Variants in DKK3 observed in about 807,000 individuals in gnomAD.
DKK3 encodes dickkopf Wnt signaling pathway inhibitor 3.
Under a neutral mutation model 33.2 loss-of-function variants are expected in DKK3, and 22 were observed. That is an observed-to-expected ratio of 0.66 (90% CI 0.47 to 0.95). The LOEUF (loss-of-function observed/expected upper bound fraction) is 0.95, where lower values mean the gene tolerates loss of function less well. DKK3 is among the 40% of genes least tolerant of loss of function. The pLI, the probability that DKK3 is intolerant of heterozygous loss-of-function variation, is 0.00. For synonymous variants in DKK3, 194 were observed against 188.8 expected, an observed-to-expected ratio of 1.03 and a Z score of -0.23; for missense variants, 398 against 458.4, an observed-to-expected ratio of 0.87 and a Z score of 1.20.
intron 3 of DKK3, among the ~76,000 whole-genome samples, chr11:11,987,419 C>A (rs532153848): frequency 1.6e-4 from 25 of 152,334 alleles, no homozygotes; most frequent in African/African-American, 5.5e-4. Context: ...AACTACATCC[C>A]TCCCATCTCT....
At chr11:11,977,628 G>A (rs766389298) in intron 3 of DKK3, among the ~76,000 whole-genome samples, 4 of 152,238 alleles carry the variant, frequency 2.6e-5, no homozygotes, top group African/African-American at 7.2e-5. Flanking sequence ...CCACAGCCCC[G>A]ACCACCTATC....
Position 11,964,594 on chromosome 11 carries a change from T to C in DKK3, c.923A>G (p.Tyr308Cys), listed in dbSNP as rs146242862. The C allele has an allele frequency of 6.8e-6, 11 of 1,614,074 alleles. No individual in the cohort carries two copies. The highest frequency in any genetic ancestry group is 9.3e-6 in the Non-Finnish European group (11 of 1,180,040). Residue 308 changes from tyrosine (Y) to cysteine (C), a missense_variant, in exon 7 of 7, where the codon TAT (tyrosine) becomes TGT (cysteine). Physicochemically the swap from Tyr to Cys is radical, Grantham distance 194 (BLOSUM62 -2). Transcript: ENST00000683431. ...CTCCTCCATGAAGCTGCCAACTTCA[T>C]ACTCATCGGGGACCTCTCTGGGCAG... ...ILLPREVPDE[Y>C]EVGSFMEEVR...
chr11:11,968,342 C>A, intron 4 of DKK3, 53 bp downstream of exon 4: 1 of 1,537,944 alleles, frequency 6.5e-7, no homozygotes. Context: ...GGCTTTCTCC[C>A]CCAGGTGCCT....
At chr11:11,997,451 C>A (rs570862581) in intron 3 of DKK3, among the ~76,000 whole-genome samples, 1 of 152,216 alleles carries the variant, frequency 6.6e-6, no homozygotes, top group Non-Finnish European at 1.5e-5. Context: ...CTCTTCCCAC[C>A]TTTGGAAGCT....
chr11:12,003,072 C>T (rs1206797499), intron 1 of DKK3, among the ~76,000 whole-genome samples: 2 of 152,242 alleles, frequency 1.3e-5, no homozygotes, highest in African/African-American at 4.8e-5. Context: ...GCCCTAGATG[C>T]CCGCAGCAGT....
intron 3 of DKK3, among the ~76,000 whole-genome samples, chr11:11,982,851 T>C (rs766528293): frequency 6.6e-6 from 1 of 152,174 alleles, no homozygotes; most frequent in Non-Finnish European, 1.5e-5. Context: ...ACACGGCAAT[T>C]AATGGGATTA....
rs1462574502 is a variant in DKK3 at position 11,964,696 on chromosome 11, G to A, written c.831-10C>T. On this transcript the variant is annotated splice_polypyrimidine_tract_variant and intron_variant, in intron 6 of 6. Coordinates refer to ENST00000683431, the MANE Select transcript of DKK3 (RefSeq NM_001018057.2). ...ATACACCAGGCTGTGGCTGGGGAGA[G>A]ATGGGACAAAGCCAGGCTCTAAACG... The A allele has an allele frequency of 1.2e-6, 2 of 1,611,452 alleles. No individual in the cohort carries two copies. Among genetic ancestry groups the A allele is most frequent in the Admixed American group, 3.4e-5 (2 of 59,582 alleles).
intron 1 of DKK3, among the ~76,000 whole-genome samples, chr11:12,005,880 C>A (rs200959959): frequency 6.6e-6 from 1 of 152,088 alleles, no homozygotes; most frequent in East Asian, 1.9e-4. Context: ...TTGAAGATAT[C>A]TAAAAGATAC....
Position 12,008,332 on chromosome 11 carries a change from G to A in DKK3, c.213+38C>T, listed in dbSNP as rs199955503. 1.5e-5 allele frequency: 23 copies of A among 1,578,088 alleles called. No individual in the cohort carries two copies. In the East Asian group the frequency reaches 5.0e-4, roughly 35 times the overall value. On this transcript the variant is annotated intron_variant, in intron 1 of 6. Coordinates refer to ENST00000683431, the MANE Select transcript of DKK3 (RefSeq NM_001018057.2). The surrounding 1 kb of genome is among the most constrained non-coding windows in gnomAD (Gnocchi z 4.6). ...CCCAGACTTCGCTGCCCCCAGTCTGGCGCTTCTCAGAGCCCCGCGCCGCCA... is the reference window on the plus strand; with the variant it reads ...CCCAGACTTCGCTGCCCCCAGTCTGACGCTTCTCAGAGCCCCGCGCCGCCA...
rs559830343 is a variant in DKK3, at chr11:11,966,099, C to T, written c.674-134G>A. Reference sequence around the variant, plus strand: ...AAAGTGCAGGCTAGTTTTGAAGATACGGAATGACAGGAAACAAGAATAGCA... The same window carrying T: ...AAAGTGCAGGCTAGTTTTGAAGATATGGAATGACAGGAAACAAGAATAGCA... On this transcript the variant is annotated intron_variant, in intron 5 of 6. Coordinates refer to ENST00000683431, the MANE Select transcript of DKK3 (RefSeq NM_001018057.2). The T allele has an allele frequency of 9.0e-5, 100 of 1,112,780 alleles. No individual in the cohort carries two copies. In the African/African-American group the frequency reaches 1.2e-3, roughly 13 times the overall value. 68.9% of individuals were successfully genotyped at this position (1,112,780 alleles called of 1,614,324 possible). A position where few individuals can be genotyped will look rare whatever the true frequency, so the allele number is the denominator to read the frequency against.
chr11:11,971,724 T>C (rs1847729088), intron 3 of DKK3, among the ~76,000 whole-genome samples: 1 of 152,182 alleles, frequency 6.6e-6, no homozygotes, highest in African/African-American at 2.4e-5. Context: ...CAATTATCCA[T>C]CAAGACGGGT....
intron 3 of DKK3, among the ~76,000 whole-genome samples, chr11:11,985,428 G>A (rs1432124800): frequency 3.3e-5 from 5 of 152,216 alleles, no homozygotes. Context: ...TCTGTAAAAT[G>A]GGCATGATAA....
chr11:11,985,270 G>A (rs548823276), intron 3 of DKK3, among the ~76,000 whole-genome samples: 2 of 152,278 alleles, frequency 1.3e-5, no homozygotes, highest in East Asian at 1.9e-4. Flanking sequence ...CACCACCAGG[G>A]TTGCCCCGGC....
At chr11:12,005,476 C>G (rs148981897) in intron 1 of DKK3, among the ~76,000 whole-genome samples, 36 of 152,248 alleles carry the variant, frequency 2.4e-4, no homozygotes, top group Admixed American at 1.7e-3. Context: ...GGAAGAGAAA[C>G]AGAGTGGTTA....
chr11:11,988,168 CT>C (rs1194283613), intron 3 of DKK3, among the ~76,000 whole-genome samples: 1 of 152,230 alleles, frequency 6.6e-6, no homozygotes, highest in Non-Finnish European at 1.5e-5. Context: ...ACCCAAATAT[CT>C]TGTTTATTCT....
chr11:11,984,100 T>C (rs1848014056), intron 3 of DKK3, among the ~76,000 whole-genome samples: 1 of 152,182 alleles, frequency 6.6e-6, no homozygotes, highest in Non-Finnish European at 1.5e-5. Flanking sequence ...CACTGGCCTT[T>C]TTAAAATAAG....
chr11:11,969,182 G>A (rs754962333), intron 3 of DKK3, among the ~76,000 whole-genome samples: 3 of 152,174 alleles, frequency 2.0e-5, no homozygotes, highest in Non-Finnish European at 4.4e-5. Flanking sequence ...CACAGAACAG[G>A]GAGCCATGGC....
At chr11:11,989,158 A>C (rs6485347) in intron 3 of DKK3, among the ~76,000 whole-genome samples, 114,942 of 152,166 alleles carry the variant, frequency 0.76, 43,547 homozygotes, top group Admixed American at 0.81. Context: ...TCAGAACATT[A>C]AAAATAGAAT....
intron 3 of DKK3, among the ~76,000 whole-genome samples, chr11:11,997,472 C>T (rs890540900): frequency 1.3e-5 from 2 of 152,198 alleles, no homozygotes; most frequent in African/African-American, 2.4e-5. Context: ...GGCCTCTCTT[C>T]CATCCCTGCC....
Sources: gnomAD v4.1 joint callset for allele counts (sites outside exome capture counted in the v4.1 genomes callset) on GRCh38, gnomAD v4.1.1 for gene constraint, Gnocchi (gnomAD v3.1) non-coding constraint, MANE v1.5 for transcripts, NCBI Gene and HGNC (gene_info 2026-07-23, HGNC 2026-07-21) for gene names.